Variants in STK4 observed in about 807,000 individuals in gnomAD.
The protein encoded by STK4 is serine/threonine kinase 4, also known as serine/threonine-protein kinase 4.
STK4 carries 30 observed loss-of-function variants against 64.9 expected under a neutral mutation model. That is an observed-to-expected ratio of 0.46 (90% CI 0.35 to 0.63). The LOEUF (loss-of-function observed/expected upper bound fraction) is 0.63. Among genes scored for constraint, STK4 ranks in the 20% least tolerant of loss-of-function variants. The pLI is 0.01. For synonymous variants in STK4, 177 were observed against 199.0 expected (o/e 0.89, Z 0.93); for missense variants, 466 against 598.5 (o/e 0.78, Z 2.31).
intron 10 of STK4, among the ~76,000 whole-genome samples, chr20:45,051,881 A>G (rs1351913903): frequency 2.0e-5 from 3 of 152,158 alleles, no homozygotes; most frequent in Non-Finnish European, 4.4e-5. Context: ...TCCACCTATT[A>G]TGCCACCTGT....
At position 45,075,249 on chromosome 20, in the gene STK4, G is replaced by A; in HGVS notation, c.*73G>A. 3 of 1,557,228 alleles carry A rather than the reference G, an allele frequency of 1.9e-6. No homozygotes were observed. Among genetic ancestry groups the A allele is most frequent in the Non-Finnish European group, 2.6e-6 (3 of 1,152,944 alleles). On this transcript the variant is annotated 3_prime_UTR_variant, in exon 11 of 11. Transcript: ENST00000372806. The stretch of plus-strand genomic sequence containing the variant: ...ATTCTGGATGGCTTGCCTCATGTTT[G>A]TTAGCCAGCACTTCTGCTCTGTCGT...
intron 4 of STK4, among the ~76,000 whole-genome samples, chr20:44,983,898 C>T (rs2067483160): frequency 6.6e-6 from 1 of 151,984 alleles, no homozygotes; most frequent in Admixed American, 6.6e-5. Context: ...TTACATTATT[C>T]AGAATTAGTG....
At chr20:45,061,239 T>G (rs958814192) in intron 10 of STK4, among the ~76,000 whole-genome samples, 6 of 152,222 alleles carry the variant, frequency 3.9e-5, no homozygotes, top group Non-Finnish European at 7.3e-5. Flanking sequence ...AAAATACTAC[T>G]TTAAGAATTT....
At chr20:45,012,940 C>T (rs1234059095) in intron 9 of STK4, among the ~76,000 whole-genome samples, 1 of 143,980 alleles carries the variant, frequency 6.9e-6, no homozygotes, top group Non-Finnish European at 1.5e-5. Context: ...TGTGCCACCA[C>T]ACCTGTGATT....
intron 2 of STK4, among the ~76,000 whole-genome samples, chr20:44,976,118 G>A (rs2067334143): frequency 6.6e-6 from 1 of 152,180 alleles, no homozygotes; most frequent in African/African-American, 2.4e-5. Context: ...ATAAAAAGTT[G>A]GGAATCTTGA....
chr20:45,003,147 A>G (rs2067871403), intron 9 of STK4, among the ~76,000 whole-genome samples: 1 of 152,064 alleles, frequency 6.6e-6, no homozygotes, highest in South Asian at 2.1e-4. Flanking sequence ...AGCTGGGAGT[A>G]TGTATAGGTG....
chr20:45,020,399 A>G (rs2068221676), intron 9 of STK4, among the ~76,000 whole-genome samples: 1 of 151,984 alleles, frequency 6.6e-6, no homozygotes. Context: ...TTTCCAAAGA[A>G]TAGAACTCTT....
chr20:45,001,124 T>C, intron 8 of STK4, 43 bp from the exon 9 acceptor site: 1 of 1,572,020 alleles, frequency 6.4e-7, no homozygotes. Context: ...ACTCAAAGTC[T>C]TTTGTCAAAT....
chr20:44,978,978 T>G (rs2067388593), intron 3 of STK4, among the ~76,000 whole-genome samples: 1 of 152,002 alleles, frequency 6.6e-6, no homozygotes, highest in Non-Finnish European at 1.5e-5. Flanking sequence ...TTTTTGTATT[T>G]TTAGTAGAGA....
At chr20:44,989,214 T>C (rs903012358) in intron 5 of STK4, among the ~76,000 whole-genome samples, 1 of 152,162 alleles carries the variant, frequency 6.6e-6, no homozygotes, top group Non-Finnish European at 1.5e-5. Flanking sequence ...TGGCTCACCA[T>C]TTTGTGTTCC....
intron 9 of STK4, among the ~76,000 whole-genome samples, chr20:45,020,439 CGTGTGT>C (rs60999826): frequency 1.4e-4 from 20 of 145,318 alleles, no homozygotes; most frequent in African/African-American, 3.6e-4. Context: ...TATGTTTATG[CGTGTGT>C]GTGTGTGTGT....
At chr20:45,003,368 G>C (rs535574836) in intron 9 of STK4, among the ~76,000 whole-genome samples, 1 of 152,114 alleles carries the variant, frequency 6.6e-6, no homozygotes, top group African/African-American at 2.4e-5. Context: ...TGTGGTGTTA[G>C]ATAATTCACT....
At chr20:45,013,984 A>G (rs2068096973) in intron 9 of STK4, among the ~76,000 whole-genome samples, 1 of 152,022 alleles carries the variant, frequency 6.6e-6, no homozygotes, top group African/African-American at 2.4e-5. Context: ...TTTTATATTA[A>G]ATTATATATT....
intron 4 of STK4, among the ~76,000 whole-genome samples, chr20:44,985,076 ATG>A (rs2067508945): frequency 3.3e-5 from 5 of 152,214 alleles, no homozygotes; most frequent in African/African-American, 1.2e-4. Flanking sequence ...AAGTCAAGTC[ATG>A]AGCTTTGTTC....
intron 5 of STK4, among the ~76,000 whole-genome samples, chr20:44,990,117 G>A (rs377687608): frequency 6.6e-6 from 1 of 152,140 alleles, no homozygotes; most frequent in Non-Finnish European, 1.5e-5. Flanking sequence ...ATTTTGAATC[G>A]TAAATCAGCT....
At chr20:45,034,383 CAG>C (rs1163074977) in intron 10 of STK4, among the ~76,000 whole-genome samples, 2 of 151,998 alleles carry the variant, frequency 1.3e-5, no homozygotes, top group African/African-American at 2.4e-5. Flanking sequence ...TTACTAGAAA[CAG>C]AATATGGCAG....
At chr20:45,015,213 T>G (rs573584129) in intron 9 of STK4, among the ~76,000 whole-genome samples, 10 of 152,288 alleles carry the variant, frequency 6.6e-5, no homozygotes, top group African/African-American at 2.2e-4. Context: ...TCAAAATGAT[T>G]TTACTTCAAC....
At chr20:44,982,026 C>G (rs1456894417) in intron 4 of STK4, 83 bp downstream of exon 4, 4 of 874,848 alleles carry the variant, frequency 4.6e-6, no homozygotes, top group African/African-American at 1.7e-5. Context: ...GGGCATTCTC[C>G]TACTAGAGAG....
chr20:44,969,766 G>C (rs897413220), intron 1 of STK4, among the ~76,000 whole-genome samples: 2 of 152,142 alleles, frequency 1.3e-5, no homozygotes, highest in African/African-American at 4.8e-5. Flanking sequence ...CCAGATAAGA[G>C]AACTGTATTA....
Sources: allele counts gnomAD v4.1 joint callset (sites outside exome capture counted in the v4.1 genomes callset), GRCh38; gene constraint gnomAD v4.1.1; transcripts MANE v1.5; gene names NCBI Gene and HGNC (gene_info 2026-07-23, HGNC 2026-07-21).